Variants in RTN4RL2 observed in about 807,000 individuals in gnomAD.
The protein encoded by RTN4RL2 is reticulon 4 receptor like 2.
Under a neutral mutation model 27.8 loss-of-function variants are expected in RTN4RL2, and 9 were observed. The ratio of observed to expected loss-of-function variants is 0.32; its 90% CI spans 0.20 to 0.57. The LOEUF (loss-of-function observed/expected upper bound fraction) is 0.57, where lower values mean the gene tolerates loss of function less well. Ranked by LOEUF, RTN4RL2 falls within the 20% of genes least tolerant of loss-of-function variation. The pLI is 0.90. For missense variants in RTN4RL2, 436 were observed against 596.8 expected, an observed-to-expected ratio of 0.73 and a Z score of 2.81; for synonymous variants, 285 against 297.9, an observed-to-expected ratio of 0.96 and a Z score of 0.45.
At chr11:57,470,436 C>T (rs2729395) in intron 2 of RTN4RL2, among the ~76,000 whole-genome samples, 4 of 151,816 alleles carry the variant, frequency 2.6e-5, no homozygotes, top group Admixed American at 1.3e-4. Context: ...TTAGTAGAGA[C>T]GGGTTTCACC....
At chr11:57,472,267 G>C (rs1943567501) in intron 2 of RTN4RL2, among the ~76,000 whole-genome samples, 1 of 152,014 alleles carries the variant, frequency 6.6e-6, no homozygotes, top group Non-Finnish European at 1.5e-5. Context: ...CAGCTGGAGT[G>C]CAGTGGCGCA....
chr11:57,461,422 T>C (rs1285396333), intron 1 of RTN4RL2, among the ~76,000 whole-genome samples: 3 of 20,534 alleles, frequency 1.5e-4, no homozygotes, highest in African/African-American at 6.1e-4. Flanking sequence ...GATAAGGGTG[T>C]GGGCCAGAGA....
Position 57,468,163 on chromosome 11 carries a change from C to T in RTN4RL2, c.513+73C>T, listed in dbSNP as rs1943540188. 4 of 1,488,580 alleles carry T rather than the reference C, an allele frequency of 2.7e-6. No homozygotes were observed. In the South Asian group the frequency reaches 3.9e-5, roughly 14 times the overall value. 92.2% of individuals were successfully genotyped at this position (1,488,580 alleles called of 1,614,324 possible). A position where few individuals can be genotyped will look rare whatever the true frequency, so the allele number is the denominator to read the frequency against. ...TCTGTGGGCCCCTCTGCTCCCCGAC[C>T]CTGGCGTGCGTCCCTCCTCTCTCCC... is the stretch of plus-strand genomic sequence containing the variant. On this transcript the variant is annotated intron_variant, in intron 2 of 2. Transcript: ENST00000335099.
rs367958409 is a variant in RTN4RL2 at position 57,477,204 on chromosome 11, G to T, written c.*293G>T. On this transcript the variant is annotated 3_prime_UTR_variant, in exon 3 of 3. Transcript: ENST00000335099. ...GGGTGGGGCCCCCCAGGCAGCCGCT[G>T]ACCCGCACTCCTAAGGGCCCACAGC... 7 of 366,202 alleles carry T rather than the reference G, an allele frequency of 1.9e-5. No individual in the cohort carries two copies. The East Asian group carries it at 2.2e-4, about 12-fold the overall frequency. 22.7% of individuals were successfully genotyped at this position (366,202 alleles called of 1,614,324 possible).
chr11:57,461,575 G>GT (rs1943486088), intron 1 of RTN4RL2, among the ~76,000 whole-genome samples: 1 of 151,792 alleles, frequency 6.6e-6, no homozygotes, highest in Admixed American at 6.6e-5. Flanking sequence ...TGGGAAAAGC[G>GT]TGGAGGGAAG....
chr11:57,466,694 G>C (rs759859571), intron 1 of RTN4RL2, among the ~76,000 whole-genome samples: 25 of 152,206 alleles, frequency 1.6e-4, no homozygotes, highest in Non-Finnish European at 1.5e-5. Context: ...GCACCAGTGG[G>C]CTGGCAAGAC....
At chr11:57,471,243 G>GAA (rs58993967) in intron 2 of RTN4RL2, among the ~76,000 whole-genome samples, 59,606 of 134,834 alleles carry the variant, frequency 0.44, 12,907 homozygotes, top group East Asian at 0.68. Flanking sequence ...CTCAAAAAAG[G>GAA]AAAAAAAAAA....
In RTN4RL2 at chr11:57,477,123, G is replaced by C. The variant is rs1044840441; in HGVS notation, c.*212G>C. 2.0e-6 allele frequency: 1 copy of C among 502,512 alleles called. No homozygotes were observed. The highest frequency in any genetic ancestry group is 3.4e-6 in the Non-Finnish European group (1 of 291,342). 31.1% of individuals were successfully genotyped at this position (502,512 alleles called of 1,614,324 possible). ...GCAGCCCCAAGAGGGCGTGTGTGGT[G>C]GCTCAGCCCTGCCCTCCCCAGTTCT... On this transcript the variant is annotated 3_prime_UTR_variant, in exon 3 of 3. Coordinates refer to ENST00000335099, the MANE Select transcript of RTN4RL2 (RefSeq NM_178570.3).
rs1943602360 is a variant in RTN4RL2, at chr11:57,476,986, A to T, written c.*75A>T. The T allele has an allele frequency of 5.6e-6, 8 of 1,431,700 alleles. No homozygotes were observed. The South Asian group carries it at 1.1e-4, about 20-fold the overall frequency. The allele number at this position is 1,431,700 out of a possible 1,614,324, so 88.7% of individuals were successfully genotyped here. A position where few individuals can be genotyped will look rare whatever the true frequency, so the allele number is the denominator to read the frequency against. On this transcript the variant is annotated 3_prime_UTR_variant, in exon 3 of 3. Coordinates refer to ENST00000335099, the MANE Select transcript of RTN4RL2 (RefSeq NM_178570.3). This position sits in a 1 kb window ranked among gnomAD's most constrained non-coding sequence, Gnocchi z 8.2. ...CACCCGGGGCTGCGGCTCCGGCCCC[A>T]GTCGCCCCACCTTCCCTGGCCTTGC...
Position 57,476,059 on chromosome 11 carries a change from G to A in RTN4RL2, c.514-103G>A. On this transcript the variant is annotated intron_variant, in intron 2 of 2. Transcript: ENST00000335099. The surrounding 1 kb of genome is among the most constrained non-coding windows in gnomAD (Gnocchi z 8.2). Reference sequence around the variant, plus strand: ...TCAAAAGGTCAACCCTTTCTCTTCTGCCACGGTGCACCCCCTTCCCTCCCC... The same window carrying A: ...TCAAAAGGTCAACCCTTTCTCTTCTACCACGGTGCACCCCCTTCCCTCCCC... The A allele has an allele frequency of 8.9e-7, 1 of 1,118,140 alleles. No homozygotes were observed. The allele number at this position is 1,118,140 out of a possible 1,614,324, so 69.3% of individuals were successfully genotyped here. A position where few individuals can be genotyped will look rare whatever the true frequency, so the allele number is the denominator to read the frequency against.
rs1347378205 is a variant in RTN4RL2 at position 57,476,548 on chromosome 11, C to T, written c.900C>T (p.Arg300=). The T allele has an allele frequency of 1.3e-5, 18 of 1,402,302 alleles. No homozygotes were observed. The highest frequency in any genetic ancestry group is 1.6e-5 in the Non-Finnish European group (17 of 1,087,066). The allele number at this position is 1,402,302 out of a possible 1,614,324, so 86.9% of individuals were successfully genotyped here. The change falls in exon 3 of 3, where the codon CGC becomes CGT. Residue 300 remains arginine (R), a synonymous_variant. Coordinates refer to ENST00000335099, the MANE Select transcript of RTN4RL2 (RefSeq NM_178570.3). The surrounding 1 kb of genome is among the most constrained non-coding windows in gnomAD (Gnocchi z 8.2). ...CGGAGCGCCAGGGCCGAGACCTGCG[C>T]GCGCTCCGCGAGGCCGACTTCCAGG... is the stretch of plus-strand genomic sequence containing the variant. ...TPPERQGRDL[R]ALREADFQAC... is the part of the protein sequence containing the mutation.
chr11:57,475,893 GC>G (rs1390950809), intron 2 of RTN4RL2, among the ~76,000 whole-genome samples: 4 of 152,058 alleles, frequency 2.6e-5, no homozygotes, highest in Admixed American at 1.3e-4. Flanking sequence ...TAGAAACTCT[GC>G]CCCCCGCCCC....
intron 2 of RTN4RL2, among the ~76,000 whole-genome samples, chr11:57,474,794 C>T (rs1002977709): frequency 1.6e-4 from 25 of 152,338 alleles, no homozygotes; most frequent in African/African-American, 5.8e-4. Context: ...CCAGGAATCC[C>T]CACTGGCCGT....
In RTN4RL2 at chr11:57,460,907, C is replaced by T; in HGVS notation, c.31+11C>T. The stretch of plus-strand genomic sequence containing the variant: ...GGCGCCTGCTGCAAGGTAAGAACGC[C>T]AGCGGCGGGAGAGCGGAGGGCATCC... On this transcript the variant is annotated intron_variant, in intron 1 of 2. Coordinates refer to ENST00000335099, the MANE Select transcript of RTN4RL2 (RefSeq NM_178570.3). 2 of 1,388,544 alleles carry T rather than the reference C, an allele frequency of 1.4e-6. No homozygotes were observed. Among genetic ancestry groups the T allele is most frequent in the Non-Finnish European group, 1.9e-6 (2 of 1,054,782 alleles). The allele number at this position is 1,388,544 out of a possible 1,614,324, so 86.0% of individuals were successfully genotyped here. A position where few individuals can be genotyped will look rare whatever the true frequency, so the allele number is the denominator to read the frequency against.
chr11:57,465,022 G>A (rs1416709193), intron 1 of RTN4RL2, among the ~76,000 whole-genome samples: 1 of 152,168 alleles, frequency 6.6e-6, no homozygotes, highest in Admixed American at 6.5e-5. Context: ...CACACGCGGA[G>A]GACAGCCAGC....
chr11:57,460,919 A>G, intron 1 of RTN4RL2, 23 bp downstream of exon 1: 2 of 1,373,820 alleles, frequency 1.5e-6, no homozygotes, highest in Non-Finnish European at 1.9e-6. Context: ...GCGGCGGGAG[A>G]GCGGAGGGCA....
rs141331988 is a variant in RTN4RL2 at position 57,461,959 on chromosome 11, C to A, written c.31+1063C>A. Among the ~76,000 whole-genome samples the A allele has an allele frequency of 5.9e-5, 9 of 152,060 alleles. No individual in the cohort carries two copies. The East Asian group carries it at 1.4e-3, about 23-fold the overall frequency. On this transcript the variant is annotated intron_variant, in intron 1 of 2. Transcript: ENST00000335099. The stretch of plus-strand genomic sequence containing the variant: ...AAGAGGCTTCTGGTAACCACTTCCA[C>A]GTGGGAAGCCCTCCATTCCCAAAGC...
At position 57,476,438 on chromosome 11, in the gene RTN4RL2, G is replaced by A. The variant is rs1473958139; in HGVS notation, c.790G>A (p.Ala264Thr). The A allele has an allele frequency of 6.3e-7, 1 of 1,578,518 alleles. No individual in the cohort carries two copies. Among genetic ancestry groups the A allele is most frequent in the Non-Finnish European group, 8.5e-7 (1 of 1,170,774 alleles). Residue 264 changes from alanine (A) to threonine (T), a missense_variant, in exon 3 of 3, where the codon GCG (alanine) becomes ACG (threonine). Physicochemically the swap from Ala to Thr is moderately conservative, Grantham distance 58. Around this residue, in one of 3 missense-constraint regions of RTN4RL2, gnomAD observed 365 missense variants for 530.5 expected, o/e 0.69. Coordinates refer to ENST00000335099, the MANE Select transcript of RTN4RL2 (RefSeq NM_178570.3). This position sits in a 1 kb window ranked among gnomAD's most constrained non-coding sequence, Gnocchi z 8.2. ...EFLRLNANPW[A>T]CDCRARPLWA... ...CCTGCGGCTCAACGCTAACCCCTGG[G>A]CGTGCGACTGCCGCGCGCGGCCGCT... is the stretch of plus-strand genomic sequence containing the variant.
chr11:57,462,381 C>A (rs879525255), intron 1 of RTN4RL2, among the ~76,000 whole-genome samples: 7 of 152,196 alleles, frequency 4.6e-5, no homozygotes, highest in Admixed American at 3.3e-4. Context: ...CATCTGCCCG[C>A]AGGCCCCAGC....
Sources: allele counts gnomAD v4.1 joint callset (sites outside exome capture counted in the v4.1 genomes callset), GRCh38; gene constraint gnomAD v4.1.1; regional missense constraint gnomAD v4.1.1; non-coding constraint Gnocchi (gnomAD v3.1); transcripts MANE v1.5; gene names NCBI Gene and HGNC (gene_info 2026-07-23, HGNC 2026-07-21).